The following GLIS1 variants were observed in gnomAD, a reference collection of about 807,000 sequenced individuals.
GLIS1 encodes GLIS family zinc finger 1.
A neutral mutation model predicts 63.8 loss-of-function variants in GLIS1; 24 were observed. That is an observed-to-expected ratio of 0.38 (90% CI 0.27 to 0.53). The LOEUF (loss-of-function observed/expected upper bound fraction) is 0.53, where lower values mean the gene tolerates loss of function less well. Ranked by LOEUF, GLIS1 falls within the 20% of genes least tolerant of loss-of-function variation. The probability of loss-of-function intolerance (pLI) is 0.85; values close to 1 mark genes in which losing one functional copy is unlikely to be tolerated. For synonymous variants in GLIS1, 450 were observed against 482.5 expected, an observed-to-expected ratio of 0.93 and a Z score of 0.88; for missense variants, 1,036 against 1,074.1, an observed-to-expected ratio of 0.96 and a Z score of 0.50.
intron 4 of GLIS1, among the ~76,000 whole-genome samples, chr1:53,533,429 G>A (rs926691570): frequency 3.3e-5 from 5 of 152,338 alleles, no homozygotes; most frequent in East Asian, 1.9e-4. Flanking sequence ...AAGGTACCCC[G>A]ATAAGTGCGT....
intron 4 of GLIS1, among the ~76,000 whole-genome samples, chr1:53,581,193 C>G (rs1351559649): frequency 1.3e-5 from 2 of 152,298 alleles, no homozygotes; most frequent in East Asian, 3.9e-4. Context: ...AAATAGGGGT[C>G]AGGGGTAAGT....
In GLIS1 at chr1:53,646,929, G is replaced by A; in HGVS notation, c.260-46651C>T. ...GAAGGAAGGGAAGGAAGGAAGGAAG[G>A]AAAGAAGGAAGGAAAGGGAAGGGAA... On this transcript the variant is annotated intron_variant, in intron 2 of 10. Coordinates refer to ENST00000628545, the MANE Select transcript of GLIS1 (RefSeq NM_001367484.1). The surrounding 1 kb of genome is among the most constrained non-coding windows in gnomAD (Gnocchi z 4.2). Among the ~76,000 whole-genome samples, 1 of 144,948 alleles carries A rather than the reference G, an allele frequency of 6.9e-6. No individual in the cohort carries two copies. Among genetic ancestry groups the A allele is most frequent in the East Asian group, 2.0e-4 (1 of 4,992 alleles).
intron 2 of GLIS1, among the ~76,000 whole-genome samples, chr1:53,711,782 C>G (rs1005321624): frequency 6.6e-6 from 1 of 152,232 alleles, no homozygotes; most frequent in Non-Finnish European, 1.5e-5. Flanking sequence ...CAAAAGAGCA[C>G]TAGCTGTGGC....
chr1:53,714,750 A>C (rs1176699858), intron 2 of GLIS1, among the ~76,000 whole-genome samples: 3 of 152,252 alleles, frequency 2.0e-5, no homozygotes, highest in Admixed American at 6.5e-5. Flanking sequence ...ATGGACACCC[A>C]GTGTGACCAT....
chr1:53,670,415 T>C (rs1485383859), intron 2 of GLIS1, among the ~76,000 whole-genome samples: 1 of 152,244 alleles, frequency 6.6e-6, no homozygotes, highest in Non-Finnish European at 1.5e-5. Flanking sequence ...GTCTACATTG[T>C]CTTACCAAGA....
chr1:53,639,532 T>C lies in GLIS1; in HGVS notation c.260-39254A>G, dbSNP rs79254035. 0.011 allele frequency among the ~76,000 whole-genome samples: 1,622 copies of C among 152,134 alleles called. 27 individuals are homozygous for C. The highest frequency in any genetic ancestry group is 0.037 in the African/African-American group (1,547 of 41,470). ...TTGGAACCCTGGCCCTTTTCTGTGG[T>C]TGCAGCGAAACCAGACTCTCAGGTG... On this transcript the variant is annotated intron_variant, in intron 2 of 10. Transcript: ENST00000628545. The surrounding 1 kb of genome is among the most constrained non-coding windows in gnomAD (Gnocchi z 4.6).
Position 53,690,907 on chromosome 1 carries a change from A to G in GLIS1, c.259+46899T>C, listed in dbSNP as rs150948371. On this transcript the variant is annotated intron_variant, in intron 2 of 10. Transcript: ENST00000628545. The stretch of plus-strand genomic sequence containing the variant: ...TCCTCACAACAACCCCTTGAGGTAG[A>G]TACAATTATGTCCCCCTTTTTCCAG... Among the ~76,000 whole-genome samples the G allele has an allele frequency of 1.4e-4, 21 of 152,316 alleles. No homozygotes were observed. In the East Asian group the frequency reaches 3.9e-3, roughly 28 times the overall value.
intron 4 of GLIS1, among the ~76,000 whole-genome samples, chr1:53,555,134 C>G (rs773243048): frequency 1.3e-5 from 2 of 152,210 alleles, no homozygotes; most frequent in African/African-American, 4.8e-5. Context: ...GCGACATCGC[C>G]GCTCCCTTAC....
At chr1:53,534,196 G>A (rs1398414103) in intron 4 of GLIS1, among the ~76,000 whole-genome samples, 1 of 151,968 alleles carries the variant, frequency 6.6e-6, no homozygotes, top group Non-Finnish European at 1.5e-5. Context: ...GGATGCATGG[G>A]GCTTGTGAGA....
chr1:53,563,539 A>T (rs1448366049), intron 4 of GLIS1, among the ~76,000 whole-genome samples: 1 of 152,248 alleles, frequency 6.6e-6, no homozygotes, highest in African/African-American at 2.4e-5. Flanking sequence ...CAGAAGAAAG[A>T]ACTGAAGAAA....
intron 3 of GLIS1, among the ~76,000 whole-genome samples, chr1:53,597,642 C>A (rs566986477): frequency 1.3e-5 from 2 of 152,144 alleles, no homozygotes; most frequent in East Asian, 3.9e-4. Context: ...GAGAAGGGGC[C>A]CCAAACACAA....
intron 2 of GLIS1, among the ~76,000 whole-genome samples, chr1:53,663,480 G>A (rs1646051725): frequency 6.6e-6 from 1 of 152,214 alleles, no homozygotes; most frequent in Non-Finnish European, 1.5e-5. Context: ...GCACAACTGT[G>A]CCGCTGGACA....
At position 53,557,974 on chromosome 1, in the gene GLIS1, T is replaced by C. The variant is rs74478454; in HGVS notation, c.1321-28022A>G. The stretch of plus-strand genomic sequence containing the variant: ...TCCAGTTGCTGCCAATCAAACATCA[T>C]TAGGGGAGCCCCAAATCAAAGCAGG... On this transcript the variant is annotated intron_variant, in intron 4 of 10. Transcript: ENST00000628545. Among the ~76,000 whole-genome samples, 307 of 152,318 alleles carry C rather than the reference T, an allele frequency of 2.0e-3. 4 individuals carry two copies. The East Asian group carries it at 0.053, about 26-fold the overall frequency.
intron 4 of GLIS1, among the ~76,000 whole-genome samples, chr1:53,543,973 G>A (rs920704974): frequency 2.6e-5 from 4 of 152,166 alleles, no homozygotes; most frequent in Non-Finnish European, 4.4e-5. Context: ...GGAGAAGCAC[G>A]CTGTGAGGAG....
At chr1:53,717,328 C>T (rs1003562711) in intron 2 of GLIS1, among the ~76,000 whole-genome samples, 2 of 152,268 alleles carry the variant, frequency 1.3e-5, no homozygotes, top group East Asian at 1.9e-4. Context: ...TTTAAAGGTT[C>T]GCTCTTATTA....
At chr1:53,625,531 C>T (rs918092634) in intron 2 of GLIS1, among the ~76,000 whole-genome samples, 1 of 152,160 alleles carries the variant, frequency 6.6e-6, no homozygotes, top group African/African-American at 2.4e-5. Flanking sequence ...TTCAAGTAGT[C>T]ATTCAAAAAA....
intron 2 of GLIS1, among the ~76,000 whole-genome samples, chr1:53,699,596 C>G (rs1570069968): frequency 1.3e-5 from 2 of 152,178 alleles, no homozygotes; most frequent in Non-Finnish European, 2.9e-5. Context: ...GATTTTGGAG[C>G]ATTTCAGATT....
intron 2 of GLIS1, among the ~76,000 whole-genome samples, chr1:53,677,040 G>A (rs1646220360): frequency 6.6e-6 from 1 of 152,172 alleles, no homozygotes; most frequent in South Asian, 2.1e-4. Flanking sequence ...GCCCCTAGCT[G>A]AGCAACGCAA....
At chr1:53,605,643 A>T (rs1645362786) in intron 2 of GLIS1, among the ~76,000 whole-genome samples, 1 of 152,258 alleles carries the variant, frequency 6.6e-6, no homozygotes, top group African/African-American at 2.4e-5. Context: ...GAAATCCTTC[A>T]GGACAAGGAT....
Sources: allele counts gnomAD v4.1 joint callset (sites outside exome capture counted in the v4.1 genomes callset), GRCh38; gene constraint gnomAD v4.1.1; non-coding constraint Gnocchi (gnomAD v3.1); transcripts MANE v1.5; gene names NCBI Gene and HGNC (gene_info 2026-07-23, HGNC 2026-07-21).